AVEN: variants seen among roughly 807,000 people sequenced by gnomAD.
The protein encoded by AVEN is cell death regulator Aven.
AVEN carries 41 observed loss-of-function variants against 38.1 expected under a neutral mutation model. The observed-to-expected ratio is 1.08, with a 90% CI of 0.84 to 1.40. AVEN has a LOEUF of 1.40. AVEN is among the 40% of genes most tolerant of loss of function. The pLI is 0.00. For missense variants in AVEN, 605 were observed against 438.8 expected (o/e 1.38, Z -3.38); for synonymous variants, 206 against 171.8 (o/e 1.20, Z -1.56).
chr15:33,875,059 G>GTAATCC (rs1940399998), intron 3 of AVEN, among the ~76,000 whole-genome samples: 1 of 152,058 alleles, frequency 6.6e-6, no homozygotes. Flanking sequence ...TCCCCTCCTC[G>GTAATCC]TAATCCGTAT....
intron 1 of AVEN, among the ~76,000 whole-genome samples, chr15:34,072,652 T>C (rs1272711158): frequency 6.6e-6 from 1 of 151,786 alleles, no homozygotes; most frequent in East Asian, 1.9e-4. Flanking sequence ...CTTTTTATTA[T>C]TATTATTTTT....
At chr15:33,865,124 A>G (rs780896166), downstream of AVEN, 42 of 1,608,398 alleles carry the variant, frequency 2.6e-5, no homozygotes, top group South Asian at 5.5e-5. Context: ...TGTTCATATT[A>G]TTTCAGGAAT....
intron 2 of AVEN, among the ~76,000 whole-genome samples, chr15:33,973,745 A>T (rs1430043411): frequency 2.6e-5 from 4 of 152,182 alleles, no homozygotes; most frequent in African/African-American, 9.7e-5. Context: ...ACGAAATTGC[A>T]TTTTTCATGG....
intron 2 of AVEN, among the ~76,000 whole-genome samples, chr15:33,884,730 G>A (rs1891635256): frequency 6.6e-6 from 1 of 152,130 alleles, no homozygotes; most frequent in East Asian, 1.9e-4. Context: ...TATCCAGTGA[G>A]AGTTCAGAGA....
At chr15:34,032,098 G>C (rs1477574839) in intron 1 of AVEN, among the ~76,000 whole-genome samples, 1 of 151,950 alleles carries the variant, frequency 6.6e-6, no homozygotes, top group Admixed American at 6.6e-5. Flanking sequence ...GCCGTAATAA[G>C]TTAGTCAGTA....
At chr15:33,861,998 A>G (rs1205527482), downstream of AVEN, among the ~76,000 whole-genome samples, 1 of 152,166 alleles carries the variant, frequency 6.6e-6, no homozygotes, top group East Asian at 1.9e-4. Flanking sequence ...CACTTATTCT[A>G]CGGTAAAGCA....
intron 1 of AVEN, among the ~76,000 whole-genome samples, 198 bp downstream of exon 1, chr15:34,038,582 G>T (rs1238217615): frequency 6.6e-6 from 1 of 150,788 alleles, no homozygotes; most frequent in Non-Finnish European, 1.5e-5. Flanking sequence ...GAGGCCACGA[G>T]GGCCAAGCGC....
chr15:34,073,207 ATTTTTTT>A (rs761265891), intron 1 of AVEN, among the ~76,000 whole-genome samples: 8 of 111,874 alleles, frequency 7.2e-5, no homozygotes, highest in African/African-American at 1.5e-4. Context: ...CGCCCGGCTA[ATTTTTTT>A]TTTTTTTTTT....
At chr15:33,959,616 A>G (rs1895089692) in intron 2 of AVEN, among the ~76,000 whole-genome samples, 1 of 152,208 alleles carries the variant, frequency 6.6e-6, no homozygotes, top group African/African-American at 2.4e-5. Flanking sequence ...ACAGGTCATT[A>G]GGTTCAAGCA....
rs77784482 is a variant in AVEN at position 33,904,682 on chromosome 15, TAAAAA to T, written c.446-28692_446-28688del. Among the ~76,000 whole-genome samples the T allele has an allele frequency of 2.9e-3, 393 of 133,802 alleles. 5 individuals carry two copies. Among genetic ancestry groups the T allele is most frequent in the Middle Eastern group, 0.026 (7 of 272 alleles). The allele number at this position is 133,802 out of a possible 152,430, so 87.8% of individuals were successfully genotyped here. ...CCTGCCTTGGCCGAGACTGTTTCTTTAAAAAAAAAAAAATATATATATATATATAT... is the reference window on the plus strand; with the variant it reads ...CCTGCCTTGGCCGAGACTGTTTCTTTAAAAAAAATATATATATATATATAT... On this transcript the variant is annotated intron_variant, in intron 2 of 5. Coordinates refer to ENST00000306730, the MANE Select transcript of AVEN (RefSeq NM_020371.3).
intron 5 of AVEN, 85 bp from the exon 6 acceptor site, chr15:33,866,813 C>A: frequency 1.1e-6 from 1 of 932,034 alleles, no homozygotes; most frequent in South Asian, 1.5e-5. Flanking sequence ...ACTTTCCTTA[C>A]AACAAGGGGA....
chr15:33,875,009 C>G (rs139690302), intron 3 of AVEN, among the ~76,000 whole-genome samples: 2 of 152,192 alleles, frequency 1.3e-5, no homozygotes, highest in Admixed American at 1.3e-4. Context: ...ATATATAACA[C>G]GTTCTTTGTA....
chr15:34,071,794 TTC>T (rs1181936609), intron 1 of AVEN, among the ~76,000 whole-genome samples: 1 of 152,196 alleles, frequency 6.6e-6, no homozygotes, highest in Non-Finnish European at 1.5e-5. Flanking sequence ...GGACTACTCT[TTC>T]TCCCTAAGAA....
At chr15:33,894,257 A>G (rs537235679) in intron 2 of AVEN, among the ~76,000 whole-genome samples, 1 of 152,134 alleles carries the variant, frequency 6.6e-6, no homozygotes, top group Non-Finnish European at 1.5e-5. Context: ...ACTGATGCCA[A>G]GAATTTTAAA....
chr15:33,961,622 G>C (rs1267890456), intron 2 of AVEN, among the ~76,000 whole-genome samples: 3 of 151,510 alleles, frequency 2.0e-5, no homozygotes, highest in Non-Finnish European at 4.4e-5. Context: ...GACCATTCTG[G>C]CTAACACGGT....
intron 2 of AVEN, among the ~76,000 whole-genome samples, chr15:33,917,352 G>GT (rs1893177298): frequency 1.7e-4 from 1 of 5,856 alleles, no homozygotes; most frequent in African/African-American, 1.5e-3. Context: ...AGAAAATGTG[G>GT]TGTGTGTGTG....
intron 2 of AVEN, among the ~76,000 whole-genome samples, chr15:33,914,238 A>G (rs1028533603): frequency 1.7e-4 from 26 of 152,152 alleles, no homozygotes; most frequent in African/African-American, 5.3e-4. Context: ...AAAAATAAAC[A>G]TACAGTAGCA....
At chr15:34,010,181 T>C (rs1203709021) in intron 1 of AVEN, among the ~76,000 whole-genome samples, 1 of 152,172 alleles carries the variant, frequency 6.6e-6, no homozygotes, top group Admixed American at 6.5e-5. Flanking sequence ...AAGATTTACT[T>C]ACTGAAGCTA....
intron 5 of AVEN, chr15:34,062,754 A>G: frequency 6.2e-7 from 1 of 1,613,680 alleles, no homozygotes; most frequent in Non-Finnish European, 8.5e-7. Context: ...AACCACCGTC[A>G]ATGGCACCCC....
Sources: allele counts gnomAD v4.1 joint callset (sites outside exome capture counted in the v4.1 genomes callset), GRCh38; gene constraint gnomAD v4.1.1; transcripts MANE v1.5; gene names NCBI Gene and HGNC (gene_info 2026-07-23, HGNC 2026-07-21).